Variants in UPF1 observed in about 807,000 individuals in gnomAD.
UPF1 encodes the protein regulator of nonsense transcripts 1.
Under a neutral mutation model 129.2 loss-of-function variants are expected in UPF1, and 9 were observed. The observed-to-expected ratio is 0.07, with a 90% CI of 0.04 to 0.12. The LOEUF (loss-of-function observed/expected upper bound fraction) is 0.12, where lower values mean the gene tolerates loss of function less well. Among genes scored for constraint, UPF1 ranks in the 10% least tolerant of loss-of-function variants. The pLI, the probability that UPF1 is intolerant of heterozygous loss-of-function variation, is 1.00. For synonymous variants in UPF1, 649 were observed against 644.9 expected (o/e 1.01, Z -0.10); for missense variants, 788 against 1,525.3 (o/e 0.52, Z 8.05).
intron 1 of UPF1, among the ~76,000 whole-genome samples, chr19:18,836,606 G>T (rs2055485749): frequency 6.6e-6 from 1 of 152,134 alleles, no homozygotes; most frequent in Non-Finnish European, 1.5e-5. Context: ...TATCGTGATT[G>T]TAGTGATAGT....
chr19:18,836,837 T>G (rs550295328), intron 1 of UPF1, among the ~76,000 whole-genome samples: 1 of 143,636 alleles, frequency 7.0e-6, no homozygotes, highest in Non-Finnish European at 1.5e-5. Context: ...CACTGCAACC[T>G]CCACCTCCTG....
Position 18,853,801 on chromosome 19 carries a change from C to G in UPF1, c.1156+451C>G, listed in dbSNP as rs1157184684. Among the ~76,000 whole-genome samples, 1 of 152,180 alleles carries G rather than the reference C, an allele frequency of 6.6e-6. No homozygotes were observed. Among genetic ancestry groups the G allele is most frequent in the Non-Finnish European group, 1.5e-5 (1 of 68,034 alleles). On this transcript the variant is annotated intron_variant, in intron 8 of 23. Coordinates refer to ENST00000262803, the MANE Select transcript of UPF1 (RefSeq NM_002911.4). This position sits in a 1 kb window ranked among gnomAD's most constrained non-coding sequence, Gnocchi z 4.4. ...CATGTTTGGGAATGTGCAGTGACCT[C>G]ATGGTGATGCAGCCTGCCGGCCAGA...
chr19:18,863,171 A>G (rs2145970700), intron 18 of UPF1: 1 of 395,888 alleles, frequency 2.5e-6, no homozygotes, highest in Non-Finnish European at 4.6e-6. Flanking sequence ...TCTTGACAGC[A>G]GGTCTTCTCT....
rs1261468794 is a variant in UPF1, at chr19:18,863,618, C to T, written c.2775+6C>T. On this transcript the variant is annotated splice_donor_region_variant and intron_variant, in intron 19 of 23. Coordinates refer to ENST00000262803, the MANE Select transcript of UPF1 (RefSeq NM_002911.4). ...TGGTCAACACTATCAACCCGGTGAG[C>T]GCCTGCACAGGACAGCAGGGCAGCA... 1.2e-5 allele frequency: 20 copies of T among 1,611,578 alleles called. No homozygotes were observed. The highest frequency in any genetic ancestry group is 4.4e-5 in the South Asian group (4 of 91,022).
intron 3 of UPF1, chr19:18,849,462 GCCACGT>G (rs1231645664): frequency 6.3e-6 from 1 of 158,304 alleles, no homozygotes; most frequent in African/African-American, 2.4e-5. Context: ...CAGTGTCCTG[GCCACGT>G]CGCAGCAAGG....
intron 20 of UPF1, among the ~76,000 whole-genome samples, chr19:18,864,825 C>T (rs918251028): frequency 5.4e-5 from 8 of 148,758 alleles, no homozygotes; most frequent in African/African-American, 2.0e-4. Context: ...CTGCAACCTC[C>T]CCCTCTGGGT....
At chr19:18,846,156 A>T (rs1460832131) in intron 2 of UPF1, 37 bp downstream of exon 2, 4 of 1,611,388 alleles carry the variant, frequency 2.5e-6, no homozygotes, top group African/African-American at 2.7e-5. Flanking sequence ...CATGTGCTGG[A>T]CAGGTGGGTG....
chr19:18,832,363 G>T lies in UPF1; in HGVS notation c.154G>T (p.Gly52Cys). 7.6e-7 allele frequency: 1 copy of T among 1,309,290 alleles called. No homozygotes were observed. The allele number at this position is 1,309,290 out of a possible 1,614,324, so 81.1% of individuals were successfully genotyped here. The change falls in exon 1 of 24, where the codon GGC (glycine) becomes TGC (cysteine). Residue 52 changes from glycine (G) to cysteine (C), a missense_variant. Gly to Cys is a radical substitution (Grantham distance 159). Coordinates refer to ENST00000262803, the MANE Select transcript of UPF1 (RefSeq NM_002911.4). The surrounding 1 kb of genome is among the most constrained non-coding windows in gnomAD (Gnocchi z 5.6). Reference sequence around the variant, plus strand: ...GACGCAGACGCCCCCCGGCGGCCCCGGCGGCCCGGGCGGTGGCGGCGCGGG... The same window carrying T: ...GACGCAGACGCCCCCCGGCGGCCCCTGCGGCCCGGGCGGTGGCGGCGCGGG... ...SQTQTPPGGP[G>C]GPGGGGAGGP... is the part of the protein sequence containing the mutation.
At chr19:18,863,343 T>G in intron 18 of UPF1, 95 bp from the exon 19 acceptor site, 2 of 1,502,864 alleles carry the variant, frequency 1.3e-6, no homozygotes, top group Non-Finnish European at 1.8e-6. Context: ...TTGCCTTGGA[T>G]TTGGGTTCTG....
At chr19:18,864,737 T>TTG (rs1250986397) in intron 20 of UPF1, among the ~76,000 whole-genome samples, 4 of 136,812 alleles carry the variant, frequency 2.9e-5, no homozygotes, top group Admixed American at 7.4e-5. Flanking sequence ...GCAGGTGTTT[T>TTG]TTTTTTTTTT....
At chr19:18,862,466 A>G (rs149143612) in intron 18 of UPF1, among the ~76,000 whole-genome samples, 1 of 152,184 alleles carries the variant, frequency 6.6e-6, no homozygotes, top group Non-Finnish European at 1.5e-5. Flanking sequence ...TTTTGGTTCT[A>G]AAATACAACT....
rs2055437617 is a variant in UPF1, at chr19:18,832,432, G to C, written c.223G>C (p.Asp75His). Residue 75 changes from aspartate to histidine, a missense_variant, in exon 1 of 24, where the codon GAC becomes CAC. Physicochemically the swap from Asp to His is moderately conservative, Grantham distance 81. Around this residue, in one of 6 missense-constraint regions of UPF1, gnomAD observed 112 missense variants for 128.2 expected, o/e 0.87. Coordinates refer to ENST00000262803, the MANE Select transcript of UPF1 (RefSeq NM_002911.4). The surrounding 1 kb of genome is among the most constrained non-coding windows in gnomAD (Gnocchi z 5.6). ...CGCGGGCGCTGCGGCGGGACAGCTC[G>C]ACGCGCAGGTGAGCGGCACATGGCG... ...AGAGAAAGQL[D>H]AQVGPEGILQ... 1.0e-6 allele frequency: 1 copy of C among 996,296 alleles called. No individual in the cohort carries two copies. Among genetic ancestry groups the C allele is most frequent in the East Asian group, 1.1e-4 (1 of 9,484 alleles). The allele number at this position is 996,296 out of a possible 1,614,324, so 61.7% of individuals were successfully genotyped here. A position where few individuals can be genotyped will look rare whatever the true frequency, so the allele number is the denominator to read the frequency against.
chr19:18,863,323 C>T (rs1193347928), intron 18 of UPF1, 115 bp from the exon 19 acceptor site: 2 of 1,391,160 alleles, frequency 1.4e-6, no homozygotes, highest in Non-Finnish European at 2.0e-6. Context: ...CTGCCCGGTC[C>T]ACGCCTCTGT....
At chr19:18,836,392 C>T (rs1025013599) in intron 1 of UPF1, among the ~76,000 whole-genome samples, 6 of 152,120 alleles carry the variant, frequency 3.9e-5, no homozygotes, top group Admixed American at 3.9e-4. Context: ...CTATTGATAC[C>T]TGCAACAACA....
In UPF1 at chr19:18,832,513, GGGCCC is replaced by G; in HGVS notation, c.231+78_231+82del. On this transcript the variant is annotated intron_variant, in intron 1 of 23. Transcript: ENST00000262803. This position sits in a 1 kb window ranked among gnomAD's most constrained non-coding sequence, Gnocchi z 5.6. ...CTGAGACCTGCCCCGAACTCGCCTC[GGGCCC>G]GGCCTGTGTTTGGCCGGAGTCCCCC... The G allele has an allele frequency of 1.0e-6, 1 of 974,026 alleles. No homozygotes were observed. The highest frequency in any genetic ancestry group is 1.2e-6 in the Non-Finnish European group (1 of 816,704). 60.3% of individuals were successfully genotyped at this position (974,026 alleles called of 1,614,324 possible).
rs1289468661 is a variant in UPF1 at position 18,860,853 on chromosome 19, C to A, written c.2328C>A (p.Ile776=). 5.0e-6 allele frequency: 8 copies of A among 1,612,098 alleles called. No homozygotes were observed. In the South Asian group the frequency reaches 5.5e-5, roughly 11 times the overall value. The part of the protein sequence containing the change: ...NRTEAANVEK[I]TTKLLKAGAK... ...CCGAGGCTGCGAACGTGGAGAAGAT[C>A]ACCACGAAGTTGCTGAAGGCAGGCG... is the stretch of plus-strand genomic sequence containing the variant. The change falls in exon 17 of 24, where the codon ATC becomes ATA. Residue 776 remains isoleucine (I), a synonymous_variant. Coordinates refer to ENST00000262803, the MANE Select transcript of UPF1 (RefSeq NM_002911.4).
rs369669185 is a variant in UPF1 at position 18,860,899 on chromosome 19, A to G, written c.2374A>G (p.Ile792Val). 3.7e-6 allele frequency: 6 copies of G among 1,607,964 alleles called. No individual in the cohort carries two copies. The Admixed American group carries it at 6.7e-5, about 18-fold the overall frequency. The change falls in exon 17 of 24, where the codon ATC (isoleucine) becomes GTC (valine). Residue 792 changes from isoleucine to valine, a missense_variant. By Grantham distance (29) the Ile-to-Val change is conservative. Transcript: ENST00000262803. ...AGGCGCCAAGCCGGACCAGATTGGC[A>G]TCATCACGCCCTACGAGGGCCAGCG... is the stretch of plus-strand genomic sequence containing the variant. Reference protein sequence around the residue: ...KAGAKPDQIGIITPYEGQRSY... With the variant: ...KAGAKPDQIGVITPYEGQRSY...
At chr19:18,838,575 G>C (rs942863175) in intron 1 of UPF1, among the ~76,000 whole-genome samples, 2 of 151,644 alleles carry the variant, frequency 1.3e-5, no homozygotes, top group African/African-American at 4.9e-5. Flanking sequence ...TTGAACCCGG[G>C]AGGTGGAGGT....
chr19:18,861,992 C>T lies in UPF1; in HGVS notation c.2458-18C>T. On this transcript the variant is annotated intron_variant, in intron 17 of 23. Coordinates refer to ENST00000262803, the MANE Select transcript of UPF1 (RefSeq NM_002911.4). ...AGGCAGCCTGCTGGCTGATAGTGAC[C>T]ACAAAGCTCCCTTCCAGGAGGTGGA... The T allele has an allele frequency of 6.2e-7, 1 of 1,613,234 alleles. No individual in the cohort carries two copies. The highest frequency in any genetic ancestry group is 8.5e-7 in the Non-Finnish European group (1 of 1,179,746).
Sources: allele counts gnomAD v4.1 joint callset (sites outside exome capture counted in the v4.1 genomes callset), GRCh38; gene constraint gnomAD v4.1.1; regional missense constraint gnomAD v4.1.1; non-coding constraint Gnocchi (gnomAD v3.1); transcripts MANE v1.5; gene names NCBI Gene and HGNC (gene_info 2026-07-23, HGNC 2026-07-21).